The following ZMYND11 variants were observed in gnomAD, a reference collection of about 807,000 sequenced individuals.
ZMYND11 encodes zinc finger MYND domain-containing protein 11.
ZMYND11 carries 9 observed loss-of-function variants against 84.9 expected under a neutral mutation model. That is an observed-to-expected ratio of 0.11 (90% confidence interval 0.06 to 0.18). The LOEUF (loss-of-function observed/expected upper bound fraction) is 0.18, where lower values mean the gene tolerates loss of function less well. Among genes scored for constraint, ZMYND11 ranks in the 10% least tolerant of loss-of-function variants. The probability of loss-of-function intolerance (pLI) is 1.00; values close to 1 mark genes in which losing one functional copy is unlikely to be tolerated. For synonymous variants in ZMYND11, 250 were observed against 244.1 expected, an observed-to-expected ratio of 1.02 and a Z score of -0.23; for missense variants, 409 against 761.0, an observed-to-expected ratio of 0.54 and a Z score of 5.44.
chr10:163,944 T>A (rs1462898493), intron 1 of ZMYND11, among the ~76,000 whole-genome samples: 3 of 152,154 alleles, frequency 2.0e-5, no homozygotes, highest in Admixed American at 2.0e-4. Flanking sequence ...TGGGAACATT[T>A]AATTTCTCCA....
Position 209,780 on chromosome 10 carries a change from T to C in ZMYND11, c.117-109T>C, listed in dbSNP as rs1944856966. On this transcript the variant is annotated intron_variant, in intron 2 of 14. Coordinates refer to ENST00000381604, the MANE Select transcript of ZMYND11 (RefSeq NM_001370100.5). The stretch of plus-strand genomic sequence containing the variant: ...CTTGTTCTTTATCTCAACAGGACTC[T>C]CATAAATACAAGTCATAATGAAAGA... The C allele has an allele frequency of 8.2e-6, 9 of 1,094,044 alleles. No homozygotes were observed. The Admixed American group carries it at 1.7e-4, about 21-fold the overall frequency. The allele number at this position is 1,094,044 out of a possible 1,614,324, so 67.8% of individuals were successfully genotyped here. A position where few individuals can be genotyped will look rare whatever the true frequency, so the allele number is the denominator to read the frequency against.
At chr10:239,310 C>CAATACT (rs1374456285) in intron 6 of ZMYND11, 128 bp from the exon 7 acceptor site, 8 of 709,008 alleles carry the variant, frequency 1.1e-5, no homozygotes, top group Non-Finnish European at 1.9e-5. Context: ...CATTCTCTGT[C>CAATACT]AATACTGTGG....
intron 2 of ZMYND11, among the ~76,000 whole-genome samples, chr10:191,964 T>C (rs1030896775): frequency 2.6e-5 from 4 of 152,234 alleles, no homozygotes; most frequent in African/African-American, 9.6e-5. Context: ...ATATTTGTTA[T>C]ATGACTTACG....
upstream of ZMYND11, among the ~76,000 whole-genome samples, chr10:133,836 G>A (rs190449595): frequency 3.4e-4 from 51 of 152,212 alleles, 1 homozygote; most frequent in Admixed American, 2.9e-3. Context: ...GATGTTCTTT[G>A]AGATAATCAA....
At chr10:156,835 G>A (rs191105393) in intron 1 of ZMYND11, among the ~76,000 whole-genome samples, 4 of 152,208 alleles carry the variant, frequency 2.6e-5, no homozygotes, top group South Asian at 2.1e-4. Flanking sequence ...AAAGAGCTAC[G>A]TTAAAAATAC....
intron 2 of ZMYND11, among the ~76,000 whole-genome samples, chr10:184,254 TTAAA>T: frequency 1.3e-5 from 2 of 152,340 alleles, no homozygotes; most frequent in Admixed American, 1.3e-4. Flanking sequence ...TAAGAAAATC[TTAAA>T]TATTCTATAT....
intron 2 of ZMYND11, among the ~76,000 whole-genome samples, chr10:180,826 T>C (rs567309182): frequency 2.0e-5 from 3 of 152,254 alleles, no homozygotes; most frequent in African/African-American, 4.8e-5. Context: ...AAGAAACATC[T>C]TACTACTTTA....
chr10:181,590 A>T (rs1588706390), intron 2 of ZMYND11, among the ~76,000 whole-genome samples: 3 of 152,108 alleles, frequency 2.0e-5, no homozygotes, highest in East Asian at 3.9e-4. Context: ...CTGCACTCCA[A>T]CCTGGGTAAC....
At chr10:236,812 T>A in intron 4 of ZMYND11, 26 bp from the exon 5 acceptor site, 1 of 1,579,942 alleles carries the variant, frequency 6.3e-7, no homozygotes, top group South Asian at 1.1e-5. Flanking sequence ...ATTTTGTACC[T>A]TTTTTTATTC....
intron 1 of ZMYND11, among the ~76,000 whole-genome samples, chr10:137,801 C>T (rs189435901): frequency 1.2e-4 from 19 of 152,232 alleles, no homozygotes; most frequent in African/African-American, 3.9e-4. Context: ...ATAAGATGAC[C>T]AGGCTAGAGA....
intron 1 of ZMYND11, among the ~76,000 whole-genome samples, chr10:175,871 T>C (rs1846495877): frequency 6.6e-6 from 1 of 152,192 alleles, no homozygotes. Flanking sequence ...AAACATTTTA[T>C]GCAGTATACT....
chr10:228,738 T>C (rs1948529510), intron 4 of ZMYND11, among the ~76,000 whole-genome samples: 1 of 152,156 alleles, frequency 6.6e-6, no homozygotes, highest in African/African-American at 2.4e-5. Flanking sequence ...TAGAGACTAG[T>C]GTTATGTAGA....
At chr10:147,455 T>C (rs1554755696) in intron 1 of ZMYND11, among the ~76,000 whole-genome samples, 2 of 152,074 alleles carry the variant, frequency 1.3e-5, no homozygotes, top group African/African-American at 4.8e-5. Flanking sequence ...GTAAACAGTT[T>C]TATTTTAGCT....
intron 4 of ZMYND11, among the ~76,000 whole-genome samples, chr10:229,509 A>T (rs1355974699): frequency 6.6e-6 from 1 of 152,010 alleles, no homozygotes; most frequent in Non-Finnish European, 1.5e-5. Flanking sequence ...GGGAGTTAGG[A>T]TGTGGCTCTG....
At chr10:239,719 C>T (rs941969364) in intron 7 of ZMYND11, among the ~76,000 whole-genome samples, 194 bp downstream of exon 7, 1 of 152,118 alleles carries the variant, frequency 6.6e-6, no homozygotes, top group African/African-American at 2.4e-5. Context: ...TCATAGTATA[C>T]TAAATGATGA....
chr10:152,610 A>T (rs903951758), intron 1 of ZMYND11, among the ~76,000 whole-genome samples: 1 of 152,154 alleles, frequency 6.6e-6, no homozygotes, highest in Non-Finnish European at 1.5e-5. Flanking sequence ...CACAATAATA[A>T]TGGGAGACTT....
At chr10:165,791 G>T (rs1843871581) in intron 1 of ZMYND11, among the ~76,000 whole-genome samples, 1 of 151,936 alleles carries the variant, frequency 6.6e-6, no homozygotes, top group Admixed American at 6.6e-5. Context: ...TCTTTTTGTT[G>T]CTTTTCCTTA....
At chr10:142,143 C>G (rs868929989) in intron 1 of ZMYND11, among the ~76,000 whole-genome samples, 15 of 152,144 alleles carry the variant, frequency 9.9e-5, no homozygotes, top group Admixed American at 6.6e-4. Context: ...GGGTCTCATT[C>G]TGTAGGGAGC....
intron 2 of ZMYND11, among the ~76,000 whole-genome samples, chr10:181,974 A>C (rs2130745035): frequency 6.6e-6 from 1 of 152,342 alleles, no homozygotes; most frequent in East Asian, 1.9e-4. Flanking sequence ...CCTTTACATA[A>C]AAATTGCTTA....
Sources: gnomAD v4.1 joint callset for allele counts (sites outside exome capture counted in the v4.1 genomes callset) on GRCh38, gnomAD v4.1.1 for gene constraint, MANE v1.5 for transcripts, NCBI Gene and HGNC (gene_info 2026-07-23, HGNC 2026-07-21) for gene names.